The following LUZP1 variants were observed in gnomAD, a reference collection of about 807,000 sequenced individuals.
The protein encoded by LUZP1 is filamin mechanobinding actin cross-linking protein.
In LUZP1, 25 loss-of-function variants were observed where a neutral mutation model predicts 71.3. The observed-to-expected ratio is 0.35, with a 90% CI of 0.26 to 0.49. The LOEUF is 0.49. LUZP1 is among the 20% of genes least tolerant of loss of function. The probability of loss-of-function intolerance (pLI) is 0.99; values close to 1 mark genes in which losing one functional copy is unlikely to be tolerated. For missense variants in LUZP1, 1,142 were observed against 1,300.8 expected (o/e 0.88, Z 1.88); for synonymous variants, 481 against 506.4 (o/e 0.95, Z 0.67).
chr1:23,107,965 G>A (rs1265025352), intron 3 of LUZP1, among the ~76,000 whole-genome samples: 1 of 152,186 alleles, frequency 6.6e-6, no homozygotes, highest in East Asian at 1.9e-4. Flanking sequence ...CCCAGTCACT[G>A]CTATGACGAG....
At chr1:23,136,303 C>CAA (rs1218592085) in intron 2 of LUZP1, among the ~76,000 whole-genome samples, 13 of 141,062 alleles carry the variant, frequency 9.2e-5, no homozygotes, top group Non-Finnish European at 1.9e-4. Flanking sequence ...TAAACACACA[C>CAA]ACACACACAC....
exon 4 of LUZP1, chr1:23,092,559 G>A (rs375727547): frequency 3.5e-5 from 57 of 1,614,064 alleles, no homozygotes; most frequent in Non-Finnish European, 4.6e-5. Flanking sequence ...TCGAGATGAG[G>A]CCAGGGCTCC....
At chr1:23,160,538 C>T (rs1179390596) in intron 2 of LUZP1, among the ~76,000 whole-genome samples, 1 of 152,140 alleles carries the variant, frequency 6.6e-6, no homozygotes, top group Non-Finnish European at 1.5e-5. Context: ...GTCTCTATAT[C>T]GCCGGAAGCA....
At chr1:23,164,867 C>T (rs1053804949) in intron 2 of LUZP1, among the ~76,000 whole-genome samples, 12 of 152,134 alleles carry the variant, frequency 7.9e-5, no homozygotes, top group African/African-American at 2.7e-4. Context: ...ATTTGTTAAG[C>T]GCTTCTTAAG....
At chr1:23,098,016 T>C (rs1339084501) in intron 3 of LUZP1, among the ~76,000 whole-genome samples, 1 of 152,192 alleles carries the variant, frequency 6.6e-6, no homozygotes, top group African/African-American at 2.4e-5. Flanking sequence ...GTATGAGATG[T>C]ATATTAGATG....
At chr1:23,122,778 T>C (rs1569613709) in intron 2 of LUZP1, among the ~76,000 whole-genome samples, 1 of 152,198 alleles carries the variant, frequency 6.6e-6, no homozygotes, top group African/African-American at 2.4e-5. Context: ...TCTTATTGGA[T>C]CCAAGTCTCC....
exon 5 of LUZP1, chr1:23,088,739 G>A: frequency 1.9e-6 from 2 of 1,056,022 alleles, no homozygotes; most frequent in Admixed American, 2.9e-5. Context: ...CTGGCCAAAT[G>A]GCAAAAATTA....
intron 2 of LUZP1, among the ~76,000 whole-genome samples, chr1:23,113,398 C>A (rs1213575725): frequency 1.3e-5 from 2 of 151,804 alleles, no homozygotes; most frequent in East Asian, 1.9e-4. Flanking sequence ...CTGAGTGAAA[C>A]CCTGTCTCAA....
intron 2 of LUZP1, among the ~76,000 whole-genome samples, chr1:23,155,899 C>A (rs1644417701): frequency 6.6e-6 from 1 of 152,196 alleles, no homozygotes; most frequent in African/African-American, 2.4e-5. Context: ...GGGAAAACAG[C>A]ACATTTTTGA....
chr1:23,110,943 T>C (rs1273648704), intron 2 of LUZP1, among the ~76,000 whole-genome samples: 3 of 152,102 alleles, frequency 2.0e-5, no homozygotes, highest in Non-Finnish European at 4.4e-5. Context: ...CTCACGCCTG[T>C]AATCCCAGCA....
intron 2 of LUZP1, among the ~76,000 whole-genome samples, chr1:23,115,355 T>A (rs770119159): frequency 2.0e-5 from 3 of 152,198 alleles, no homozygotes; most frequent in Non-Finnish European, 4.4e-5. Context: ...CCCATCTCTA[T>A]GTGTCAGGTT....
At chr1:23,090,910 A>C (rs970429248) in intron 4 of LUZP1, 28 of 718,056 alleles carry the variant, frequency 3.9e-5, no homozygotes, top group Admixed American at 6.0e-5. Flanking sequence ...TGGCAAACCA[A>C]GGGAAGAGAA....
chr1:23,131,968 G>A (rs1181957142), intron 2 of LUZP1, among the ~76,000 whole-genome samples: 1 of 152,158 alleles, frequency 6.6e-6, no homozygotes, highest in Non-Finnish European at 1.5e-5. Flanking sequence ...TTACAAGCAT[G>A]AGCCACTGCG....
At chr1:23,163,832 G>C (rs536254462) in intron 2 of LUZP1, 12 of 152,252 alleles carry the variant, frequency 7.9e-5, no homozygotes, top group African/African-American at 2.9e-4. Flanking sequence ...ACCTGAGCTC[G>C]AATCAATGGT....
chr1:23,102,215 T>TA (rs1643937260), intron 3 of LUZP1, among the ~76,000 whole-genome samples: 1 of 152,180 alleles, frequency 6.6e-6, no homozygotes, highest in Non-Finnish European at 1.5e-5. Flanking sequence ...CCTACATTAG[T>TA]ACCTGGCTCA....
chr1:23,125,071 T>C (rs1402753695), intron 2 of LUZP1, among the ~76,000 whole-genome samples: 1 of 152,166 alleles, frequency 6.6e-6, no homozygotes, highest in Non-Finnish European at 1.5e-5. Flanking sequence ...ACTCAAATCA[T>C]ACTACTAGGA....
exon 4 of LUZP1, chr1:23,091,574 C>T (rs752743754): frequency 9.8e-5 from 158 of 1,614,040 alleles, no homozygotes; most frequent in Non-Finnish European, 1.2e-4. Flanking sequence ...TGATTGTCTC[C>T]GCTGGAGGTG....
chr1:23,094,462 A>G lies in LUZP1; in HGVS notation c.-119-82T>C. 3 of 1,047,642 alleles carry G rather than the reference A, an allele frequency of 2.9e-6. No homozygotes were observed. The highest frequency in any genetic ancestry group is 3.8e-6 in the Non-Finnish European group (3 of 783,464). 64.9% of individuals were successfully genotyped at this position (1,047,642 alleles called of 1,614,324 possible). The stretch of plus-strand genomic sequence containing the variant: ...CTCCCAGTTATAGAAAAGTGCTCCT[A>G]TCTGTTCCTGGTGCCTGGATCATAG... On this transcript the variant is annotated intron_variant, in intron 3 of 4. Transcript: ENST00000302291. This position sits in a 1 kb window ranked among gnomAD's most constrained non-coding sequence, Gnocchi z 4.7.
chr1:23,134,341 G>A (rs1644237271), intron 2 of LUZP1, among the ~76,000 whole-genome samples: 1 of 151,806 alleles, frequency 6.6e-6, no homozygotes, highest in Non-Finnish European at 1.5e-5. Context: ...AATTAGCCGG[G>A]TGTGGTGGTG....
Sources: allele counts gnomAD v4.1 joint callset (sites outside exome capture counted in the v4.1 genomes callset), GRCh38; gene constraint gnomAD v4.1.1; non-coding constraint Gnocchi (gnomAD v3.1); transcripts MANE v1.5; gene names NCBI Gene and HGNC (gene_info 2026-07-23, HGNC 2026-07-21).